The following FSD1L variants were observed in gnomAD, a reference collection of about 807,000 sequenced individuals.
The protein encoded by FSD1L is fibronectin type III and SPRY domain containing 1 like.
A neutral mutation model predicts 71.6 loss-of-function variants in FSD1L; 45 were observed. The ratio of observed to expected loss-of-function variants is 0.63; its 90% CI spans 0.49 to 0.81. The LOEUF (loss-of-function observed/expected upper bound fraction) is 0.81. Among genes scored for constraint, FSD1L ranks in the 30% least tolerant of loss-of-function variants. FSD1L has a pLI of 0.00. For missense variants in FSD1L, 561 were observed against 618.1 expected, an observed-to-expected ratio of 0.91 and a Z score of 0.98; for synonymous variants, 197 against 207.2, an observed-to-expected ratio of 0.95 and a Z score of 0.42.
intron 10 of FSD1L, chr9:105,521,547 G>A (rs1226495506): frequency 1.9e-5 from 31 of 1,613,678 alleles, no homozygotes; most frequent in Non-Finnish European, 2.4e-5. Context: ...TATGAGAAAA[G>A]TGGTAAAAGT....
intron 1 of FSD1L, among the ~76,000 whole-genome samples, chr9:105,452,280 T>TA (rs1405856868): frequency 1.3e-5 from 2 of 151,990 alleles, no homozygotes; most frequent in Non-Finnish European, 2.9e-5. Flanking sequence ...ACGCCTCAGT[T>TA]AAAAAAAATT....
chr9:105,463,527 C>T (rs1830858244), intron 2 of FSD1L, among the ~76,000 whole-genome samples: 1 of 152,218 alleles, frequency 6.6e-6, no homozygotes, highest in South Asian at 2.1e-4. Flanking sequence ...GTTCTAGTCA[C>T]ATTTCAAGAC....
intron 10 of FSD1L, among the ~76,000 whole-genome samples, chr9:105,526,920 A>G (rs1274377928): frequency 6.6e-6 from 1 of 151,672 alleles, no homozygotes; most frequent in Non-Finnish European, 1.5e-5. Flanking sequence ...TAAATATATA[A>G]TTTTTTACAA....
At chr9:105,458,739 G>GTC (rs755790264) in intron 1 of FSD1L, among the ~76,000 whole-genome samples, 5 of 152,206 alleles carry the variant, frequency 3.3e-5, no homozygotes, top group Non-Finnish European at 7.3e-5. Flanking sequence ...GCTTCAGACT[G>GTC]TCTTTGGCCT....
rs1835296062 is a variant in FSD1L, at chr9:105,523,237, C to T, written c.1025+10301C>T. The T allele has an allele frequency of 2.5e-6, 4 of 1,610,046 alleles. No individual in the cohort carries two copies. In the East Asian group the frequency reaches 6.7e-5, roughly 27 times the overall value. ...GAAAGTGCTTCCCCAGTCCACTCAC[C>T]TCTGTGCTCCAGGTCACAGACTCCT... On this transcript the variant is annotated intron_variant, in intron 10 of 13. Coordinates refer to ENST00000481272, the MANE Select transcript of FSD1L (RefSeq NM_001145313.3).
At chr9:105,523,774 A>G (rs1835332513) in intron 10 of FSD1L, 1 of 1,597,492 alleles carries the variant, frequency 6.3e-7, no homozygotes, top group African/African-American at 1.3e-5. Context: ...CATTTCTACA[A>G]TATAATGCAT....
Position 105,550,674 on chromosome 9 carries a change from G to A in FSD1L, c.*4191G>A, listed in dbSNP as rs994185518. ...GGAGTTTAAATGGATTACATTTGGT[G>A]TATATTGTCTTCATTGAAAAGATAT... On this transcript the variant is annotated 3_prime_UTR_variant, in exon 14 of 14. Transcript: ENST00000481272. 3.3e-5 allele frequency: 5 copies of A among 152,168 alleles called. No homozygotes were observed. Among genetic ancestry groups the A allele is most frequent in the African/African-American group, 1.2e-4 (5 of 41,562 alleles). 9.4% of individuals were successfully genotyped at this position (152,168 alleles called of 1,614,324 possible).
At chr9:105,489,871 A>G (rs1832806637) in intron 7 of FSD1L, among the ~76,000 whole-genome samples, 1 of 152,236 alleles carries the variant, frequency 6.6e-6, no homozygotes. Flanking sequence ...TCCATGGTGT[A>G]TATGTGCTAC....
chr9:105,520,734 C>A lies in FSD1L; in HGVS notation c.1025+7798C>A, dbSNP rs533139855. 3.1e-5 allele frequency: 50 copies of A among 1,613,254 alleles called. 1 individual carries two copies. The South Asian group carries it at 5.4e-4, about 17-fold the overall frequency. On this transcript the variant is annotated intron_variant, in intron 10 of 13. Transcript: ENST00000481272. ...ATGCTTAATCCCTGGATTTTCAGCACCACAGTCTGAACATGGACCTCGAAC... is the reference window on the plus strand; with the variant it reads ...ATGCTTAATCCCTGGATTTTCAGCAACACAGTCTGAACATGGACCTCGAAC...
At chr9:105,462,033 T>C (rs1186207975) in intron 2 of FSD1L, among the ~76,000 whole-genome samples, 1 of 151,836 alleles carries the variant, frequency 6.6e-6, no homozygotes, top group Non-Finnish European at 1.5e-5. Flanking sequence ...GTTACAGCTA[T>C]CTCCAGATTT....
At chr9:105,452,627 TC>T in intron 1 of FSD1L, among the ~76,000 whole-genome samples, 1 of 116,452 alleles carries the variant, frequency 8.6e-6, no homozygotes, top group Non-Finnish European at 1.7e-5. Context: ...GGGCGCTCGC[TC>T]GCCTGCCTGC....
At chr9:105,455,799 A>T (rs1436409705) in intron 1 of FSD1L, among the ~76,000 whole-genome samples, 1 of 152,232 alleles carries the variant, frequency 6.6e-6, no homozygotes, top group African/African-American at 2.4e-5. Flanking sequence ...TATTAGCAGC[A>T]CAGTGCCTGG....
upstream of FSD1L, among the ~76,000 whole-genome samples, chr9:105,445,244 CA>C (rs1162650105): frequency 6.6e-6 from 1 of 152,096 alleles, no homozygotes; most frequent in Non-Finnish European, 1.5e-5. Flanking sequence ...CGAGGGGAAG[CA>C]AAAGGCCCAG....
chr9:105,511,737 C>A (rs1834406851), intron 9 of FSD1L, among the ~76,000 whole-genome samples: 1 of 152,028 alleles, frequency 6.6e-6, no homozygotes, highest in African/African-American at 2.4e-5. Flanking sequence ...CTTTACAGAA[C>A]AGTAGGGGAT....
intron 10 of FSD1L, chr9:105,530,703 C>A (rs1361843620): frequency 9.7e-6 from 5 of 514,228 alleles, no homozygotes; most frequent in Non-Finnish European, 1.7e-5. Flanking sequence ...GGGAGGCAAA[C>A]TATCAGTGTA....
At chr9:105,447,324 C>CAAAA (rs35514046), upstream of FSD1L, among the ~76,000 whole-genome samples, 145 of 61,534 alleles carry the variant, frequency 2.4e-3, 2 homozygotes, top group African/African-American at 7.9e-3. Flanking sequence ...ACTCCATCTC[C>CAAAA]AAAAAAAAAA....
Position 105,458,918 on chromosome 9 carries a change from C to T in FSD1L, c.16-2602C>T, listed in dbSNP as rs78134703. ...TGATGATGGCCTAGCTTTCTGTCTT[C>T]GCTCTTGATTAAATTTGGAGGTCCT... On this transcript the variant is annotated intron_variant, in intron 1 of 13. Coordinates refer to ENST00000481272, the MANE Select transcript of FSD1L (RefSeq NM_001145313.3). 9.7e-3 allele frequency among the ~76,000 whole-genome samples: 1,475 copies of T among 152,316 alleles called. 22 individuals carry two copies. Among genetic ancestry groups the T allele is most frequent in the African/African-American group, 0.033 (1,355 of 41,548 alleles).
chr9:105,447,661 ACCCCAGC>A (rs1434882578), upstream of FSD1L: 1 of 159,108 alleles, frequency 6.3e-6, no homozygotes, highest in Non-Finnish European at 1.4e-5. Context: ...CTACATCCCC[ACCCCAGC>A]CCTTTTCCTC....
chr9:105,478,096 T>A (rs1021932693), intron 5 of FSD1L, among the ~76,000 whole-genome samples: 3 of 152,000 alleles, frequency 2.0e-5, no homozygotes, highest in South Asian at 2.1e-4. Flanking sequence ...TACAAAAAAA[T>A]TTGCCGGGCG....
Sources: gnomAD v4.1 joint callset for allele counts (sites outside exome capture counted in the v4.1 genomes callset) on GRCh38, gnomAD v4.1.1 for gene constraint, MANE v1.5 for transcripts, NCBI Gene and HGNC (gene_info 2026-07-23, HGNC 2026-07-21) for gene names.